The following MYO16 variants were observed in gnomAD, a reference collection of about 807,000 sequenced individuals.
The protein encoded by MYO16 is myosin XVI, also known as unconventional myosin-XVI.
Under a neutral mutation model 205.3 loss-of-function variants are expected in MYO16, and 94 were observed. That is an observed-to-expected ratio of 0.46 (90% CI 0.39 to 0.54). The LOEUF is 0.54. MYO16 is among the 20% of genes least tolerant of loss of function. The pLI, the probability that MYO16 is intolerant of heterozygous loss-of-function variation, is 0.00. For synonymous variants in MYO16, 988 were observed against 954.0 expected (o/e 1.04, Z -0.66); for missense variants, 2,315 against 2,387.5 (o/e 0.97, Z 0.63).
Position 108,674,743 on chromosome 13 carries a change from C to T in MYO16, c.292+8594C>T, listed in dbSNP as rs145771158. Among the ~76,000 whole-genome samples the T allele has an allele frequency of 5.1e-4, 77 of 152,204 alleles. 1 individual carries two copies. The East Asian group carries it at 0.014, about 28-fold the overall frequency. On this transcript the variant is annotated intron_variant, in intron 2 of 34. Transcript: ENST00000457511. ...TACTCTGCAAGGATGACTATTTCTC[C>T]AACTCAAAATTAGGAGTGTATTTGA... is the stretch of plus-strand genomic sequence containing the variant.
chr13:108,608,413 C>A (rs1879041463), intron 1 of MYO16, among the ~76,000 whole-genome samples: 1 of 152,130 alleles, frequency 6.6e-6, no homozygotes, highest in East Asian at 1.9e-4. Context: ...ATCATGCACA[C>A]CTTGTCTTAA....
chr13:108,599,044 G>A (rs77195560), intron 1 of MYO16, among the ~76,000 whole-genome samples: 39,503 of 138,176 alleles, frequency 0.29, 5,772 homozygotes, highest in Middle Eastern at 0.37. Flanking sequence ...TCCTGTGTCC[G>A]TGTGTTCTCA....
At chr13:108,922,705 T>C (rs1367595186) in intron 16 of MYO16, among the ~76,000 whole-genome samples, 1 of 152,214 alleles carries the variant, frequency 6.6e-6, no homozygotes, top group African/African-American at 2.4e-5. Context: ...TGACATATTG[T>C]GGATATTTAG....
At chr13:108,569,429 G>A in the MYO16 span, among the ~76,000 whole-genome samples, 1 of 151,968 alleles carries the variant, frequency 6.6e-6, no homozygotes, top group Non-Finnish European at 1.5e-5. Context: ...GTTGCCAATG[G>A]AATTGCTTTT....
At chr13:108,756,463 T>C (rs1221701821) in intron 4 of MYO16, among the ~76,000 whole-genome samples, 1 of 152,144 alleles carries the variant, frequency 6.6e-6, no homozygotes, top group Non-Finnish European at 1.5e-5. Context: ...TGTGATTTAC[T>C]CTGTTCATTT....
intron 10 of MYO16, among the ~76,000 whole-genome samples, chr13:108,852,435 G>C (rs1025886624): frequency 8.5e-5 from 13 of 152,138 alleles, no homozygotes; most frequent in African/African-American, 2.7e-4. Context: ...TCAGCTGTGT[G>C]ACCCTAGAAA....
chr13:109,046,187 A>G (rs573223946), intron 23 of MYO16, among the ~76,000 whole-genome samples: 5 of 152,306 alleles, frequency 3.3e-5, no homozygotes, highest in South Asian at 2.1e-4. Flanking sequence ...AGAACAGACT[A>G]TGACACACTG....
At chr13:109,107,810 C>CATATTGTATT (rs1555332132) in intron 28 of MYO16, among the ~76,000 whole-genome samples, 2 of 141,398 alleles carry the variant, frequency 1.4e-5, no homozygotes, top group Non-Finnish European at 3.1e-5. Flanking sequence ...CATATATATT[C>CATATTGTATT]ATATTATATT....
At chr13:108,655,467 G>A (rs918610948) in intron 1 of MYO16, among the ~76,000 whole-genome samples, 12 of 152,200 alleles carry the variant, frequency 7.9e-5, no homozygotes, top group South Asian at 2.1e-4. Context: ...AAAAGTCTGC[G>A]GCAGCGGCGT....
At chr13:109,036,678 A>G (rs769038422) in intron 23 of MYO16, among the ~76,000 whole-genome samples, 2 of 152,112 alleles carry the variant, frequency 1.3e-5, no homozygotes, top group Admixed American at 6.5e-5. Flanking sequence ...ATACATGACA[A>G]TTTCCTTAAA....
chr13:109,160,260 TTA>T (rs1878313639), intron 32 of MYO16, among the ~76,000 whole-genome samples: 1 of 152,196 alleles, frequency 6.6e-6, no homozygotes, highest in South Asian at 2.1e-4. Context: ...GATATTTCAG[TTA>T]TATAAAAACT....
Position 109,073,911 on chromosome 13 carries a change from T to A in MYO16, c.3335+18316T>A, listed in dbSNP as rs115656672. 4.6e-3 allele frequency among the ~76,000 whole-genome samples: 703 copies of A among 152,310 alleles called. 3 individuals carry two copies. The highest frequency in any genetic ancestry group is 0.016 in the African/African-American group (679 of 41,582). ...AGCTACGCTGTGATTCCTGTCAAGA[T>A]CTCAAGCTCGGTTCACCTGAGTCCA... On this transcript the variant is annotated intron_variant, in intron 27 of 34. Coordinates refer to ENST00000457511, the MANE Select transcript of MYO16 (RefSeq NM_001198950.3).
intron 23 of MYO16, among the ~76,000 whole-genome samples, chr13:109,023,157 TATACAA>T (rs1159252219): frequency 1.5e-5 from 2 of 130,098 alleles, no homozygotes; most frequent in Non-Finnish European, 3.1e-5. Flanking sequence ...ATGTATTATA[TATACAA>T]ATACAAATTT....
chr13:108,675,311 T>C (rs1352457933), intron 2 of MYO16, among the ~76,000 whole-genome samples: 1 of 152,212 alleles, frequency 6.6e-6, no homozygotes, highest in Non-Finnish European at 1.5e-5. Context: ...TTCACATAGA[T>C]ACATTCAGTG....
intron 27 of MYO16, among the ~76,000 whole-genome samples, chr13:109,084,616 C>G (rs1888381225): frequency 1.3e-5 from 2 of 152,038 alleles, no homozygotes; most frequent in Non-Finnish European, 2.9e-5. Flanking sequence ...TAAGTTTACT[C>G]ACTTTATTAA....
chr13:109,196,911 T>TTTTG (rs1880185808), intron 34 of MYO16, among the ~76,000 whole-genome samples: 1 of 152,174 alleles, frequency 6.6e-6, no homozygotes, highest in African/African-American at 2.4e-5. Flanking sequence ...CACCAAACAA[T>TTTTG]TTTGTTTTTA....
chr13:108,655,708 G>A (rs1247620003), intron 1 of MYO16, among the ~76,000 whole-genome samples: 1 of 152,170 alleles, frequency 6.6e-6, no homozygotes, highest in Non-Finnish European at 1.5e-5. Context: ...AGCCACAGGG[G>A]TGGAGCTGCC....
At chr13:108,726,538 A>G (rs4536334) in intron 3 of MYO16, among the ~76,000 whole-genome samples, 34,704 of 150,080 alleles carry the variant, frequency 0.23, 5,123 homozygotes, top group African/African-American at 0.42. Flanking sequence ...CATTCTGGTG[A>G]CAAAGTGAGA....
chr13:108,517,231 C>T, the MYO16 span, among the ~76,000 whole-genome samples: 4 of 152,066 alleles, frequency 2.6e-5, no homozygotes, highest in East Asian at 1.9e-4. Context: ...CGCCTGGCTG[C>T]GTGTTGTGAA....
Sources: gnomAD v4.1 joint callset for allele counts (sites outside exome capture counted in the v4.1 genomes callset) on GRCh38, gnomAD v4.1.1 for gene constraint, MANE v1.5 for transcripts, NCBI Gene and HGNC (gene_info 2026-07-23, HGNC 2026-07-21) for gene names.